MTF1: variants seen among roughly 807,000 people sequenced by gnomAD.
MTF1 encodes MRE-binding transcription factor.
MTF1 carries 22 observed loss-of-function variants against 70.4 expected under a neutral mutation model. The observed-to-expected ratio is 0.31, with a 90% confidence interval of 0.22 to 0.45. The LOEUF is 0.45. Ranked by LOEUF, MTF1 falls within the 20% of genes least tolerant of loss-of-function variation. MTF1 has a pLI of 1.00. For synonymous variants in MTF1, 333 were observed against 352.8 expected, an observed-to-expected ratio of 0.94 and a Z score of 0.63; for missense variants, 649 against 922.0, an observed-to-expected ratio of 0.70 and a Z score of 3.83.
intron 2 of MTF1, among the ~76,000 whole-genome samples, chr1:37,854,641 G>A (rs1188507143): frequency 6.6e-6 from 1 of 152,226 alleles, no homozygotes; most frequent in Non-Finnish European, 1.5e-5. Context: ...ACAGTAAGAT[G>A]TTGCTGATAA....
At chr1:37,836,007 A>G (rs919864412) in intron 4 of MTF1, among the ~76,000 whole-genome samples, 64 of 152,050 alleles carry the variant, frequency 4.2e-4, no homozygotes, top group African/African-American at 1.4e-3. Context: ...TCACCATGTT[A>G]GCCAGGATGG....
At chr1:37,855,730 G>A (rs1414120008) in intron 2 of MTF1, among the ~76,000 whole-genome samples, 1 of 152,178 alleles carries the variant, frequency 6.6e-6, no homozygotes, top group Non-Finnish European at 1.5e-5. Flanking sequence ...GCCAAGGCAG[G>A]TGGATCACCT....
chr1:37,854,295 C>T (rs746369139), intron 2 of MTF1, among the ~76,000 whole-genome samples: 1 of 152,254 alleles, frequency 6.6e-6, no homozygotes, highest in Non-Finnish European at 1.5e-5. Flanking sequence ...AGGCGTGAGC[C>T]ACCATGTCCA....
chr1:37,822,250 A>G lies in MTF1; in HGVS notation c.1638T>C (p.Asn546=). The G allele has an allele frequency of 6.2e-7, 1 of 1,614,146 alleles. No homozygotes were observed. Among genetic ancestry groups the G allele is most frequent in the Non-Finnish European group, 8.5e-7 (1 of 1,180,030 alleles). Residue 546 remains asparagine (N), a synonymous_variant, in exon 9 of 11, where the codon AAT becomes AAC. Transcript: ENST00000373036. ...LPLGANSVLT[N]NPTITITPTP... is the part of the protein sequence containing the mutation. ...TTGGGGTGATGGTTATTGTGGGATT[A>G]TTAGTTAGGACAGAGTTGGCACCCA...
chr1:37,811,117 C>T lies in MTF1; in HGVS notation c.*4019G>A, dbSNP rs1220274613. The T allele has an allele frequency of 6.6e-6, 1 of 152,654 alleles. No homozygotes were observed. Among genetic ancestry groups the T allele is most frequent in the Non-Finnish European group, 1.5e-5 (1 of 68,042 alleles). The allele number at this position is 152,654 out of a possible 1,614,324, so 9.5% of individuals were successfully genotyped here. On this transcript the variant is annotated 3_prime_UTR_variant, in exon 11 of 11. Coordinates refer to ENST00000373036, the MANE Select transcript of MTF1 (RefSeq NM_005955.3). ...GTTTCTACCTAGGAACAATCTGTTC[C>T]TTCCTTTCAGGCATCATTTTGTAAT...
intron 7 of MTF1, among the ~76,000 whole-genome samples, chr1:37,825,555 C>T (rs1640990252): frequency 6.6e-6 from 1 of 152,134 alleles, no homozygotes; most frequent in Non-Finnish European, 1.5e-5. Context: ...TTGATTTTTA[C>T]ATGAAATCTA....
At chr1:37,835,796 T>G in intron 4 of MTF1, 52 bp from the exon 5 acceptor site, 1 of 1,434,188 alleles carries the variant, frequency 7.0e-7, no homozygotes, top group Admixed American at 1.8e-5. Context: ...TAGATCTTTA[T>G]CCTGAACGTC....
chr1:37,844,803 C>A (rs1479295481), intron 2 of MTF1, among the ~76,000 whole-genome samples: 1 of 152,194 alleles, frequency 6.6e-6, no homozygotes. Flanking sequence ...ATTCAAGCCT[C>A]CACTAAATGA....
At chr1:37,854,782 G>A (rs916499066) in intron 2 of MTF1, among the ~76,000 whole-genome samples, 3 of 152,200 alleles carry the variant, frequency 2.0e-5, no homozygotes, top group East Asian at 1.9e-4. Flanking sequence ...CTCTGGGGCC[G>A]GGCGCGGTGG....
chr1:37,859,231 C>T (rs570833458), intron 1 of MTF1, among the ~76,000 whole-genome samples: 1 of 152,294 alleles, frequency 6.6e-6, no homozygotes, highest in South Asian at 2.1e-4. Flanking sequence ...GCGAACAGAG[C>T]CCCCTTGAGA....
chr1:37,832,159 G>T, intron 7 of MTF1, 86 bp downstream of exon 7: 1 of 856,400 alleles, frequency 1.2e-6, no homozygotes, highest in South Asian at 1.5e-5. Context: ...AAACTTCAAA[G>T]ACTGGCCTGC....
chr1:37,819,569 C>T (rs528868018), intron 9 of MTF1, among the ~76,000 whole-genome samples: 1 of 152,086 alleles, frequency 6.6e-6, no homozygotes, highest in African/African-American at 2.4e-5. Context: ...TCTTTTATCT[C>T]GCTAAAAAGG....
chr1:37,824,567 A>C (rs1183209784), intron 7 of MTF1, among the ~76,000 whole-genome samples: 2 of 152,056 alleles, frequency 1.3e-5, no homozygotes, highest in East Asian at 3.9e-4. Flanking sequence ...GCATGGTGGC[A>C]GGCGCCTGTA....
At chr1:37,839,891 G>T in intron 3 of MTF1, 29 bp downstream of exon 3, 1 of 1,565,164 alleles carries the variant, frequency 6.4e-7, no homozygotes, top group Non-Finnish European at 8.8e-7. Flanking sequence ...AAGGTCAGAG[G>T]CTGGCAGAGC....
chr1:37,833,902 C>T (rs576655333), intron 6 of MTF1, among the ~76,000 whole-genome samples: 1 of 152,098 alleles, frequency 6.6e-6, no homozygotes, highest in East Asian at 1.9e-4. Context: ...TTCAAGAAAC[C>T]ACAAAGAGGA....
At chr1:37,845,875 A>T (rs1020475503) in intron 2 of MTF1, among the ~76,000 whole-genome samples, 1 of 152,170 alleles carries the variant, frequency 6.6e-6, no homozygotes, top group Non-Finnish European at 1.5e-5. Flanking sequence ...CCCCCCATAA[A>T]ATGCTGAATA....
chr1:37,819,293 T>C (rs1406019508), intron 9 of MTF1, among the ~76,000 whole-genome samples: 3 of 152,178 alleles, frequency 2.0e-5, no homozygotes, highest in Non-Finnish European at 4.4e-5. Flanking sequence ...ATGATGCACG[T>C]AGGACACTTG....
chr1:37,837,210 G>A (rs749357607), intron 4 of MTF1, among the ~76,000 whole-genome samples: 15 of 152,048 alleles, frequency 9.9e-5, no homozygotes, highest in East Asian at 5.8e-4. Flanking sequence ...ACACGCATGC[G>A]CCACCACTCC....
intron 2 of MTF1, among the ~76,000 whole-genome samples, chr1:37,845,064 GC>G (rs1286512938): frequency 1.3e-5 from 2 of 152,222 alleles, no homozygotes; most frequent in Non-Finnish European, 2.9e-5. Flanking sequence ...TGGACTGTAA[GC>G]TCCATGAGAG....
Sources: allele counts gnomAD v4.1 joint callset (sites outside exome capture counted in the v4.1 genomes callset), GRCh38; gene constraint gnomAD v4.1.1; transcripts MANE v1.5; gene names NCBI Gene and HGNC (gene_info 2026-07-23, HGNC 2026-07-21).